Variants in TBCA observed in about 807,000 individuals in gnomAD.
The protein encoded by TBCA is tubulin folding cofactor A.
TBCA carries 6 observed loss-of-function variants against 15.8 expected under a neutral mutation model. The ratio of observed to expected loss-of-function variants is 0.38; its 90% CI spans 0.21 to 0.75. The LOEUF (loss-of-function observed/expected upper bound fraction) is 0.75, where lower values mean the gene tolerates loss of function less well. Ranked by LOEUF, TBCA falls within the 30% of genes least tolerant of loss-of-function variation. The pLI is 0.46. For missense variants in TBCA, 90 were observed against 131.2 expected, an observed-to-expected ratio of 0.69 and a Z score of 1.53; for synonymous variants, 32 against 42.3, an observed-to-expected ratio of 0.76 and a Z score of 0.94.
At chr5:77,763,759 G>A (rs1237627225) in intron 1 of TBCA, among the ~76,000 whole-genome samples, 1 of 152,142 alleles carries the variant, frequency 6.6e-6, no homozygotes, top group Non-Finnish European at 1.5e-5. Context: ...CCAGAACTTT[G>A]AGAAATAAAT....
intron 1 of TBCA, among the ~76,000 whole-genome samples, chr5:77,725,203 A>C (rs1333293603): frequency 6.6e-6 from 1 of 152,184 alleles, no homozygotes; most frequent in Non-Finnish European, 1.5e-5. Flanking sequence ...ATCCAGCTGC[A>C]TGCTCATTAG....
intron 1 of TBCA, among the ~76,000 whole-genome samples, chr5:77,724,640 T>G (rs1384359929): frequency 6.6e-6 from 1 of 152,130 alleles, no homozygotes; most frequent in Non-Finnish European, 1.5e-5. Flanking sequence ...TCATACCAGT[T>G]CCCTTAACTC....
chr5:77,760,548 G>A (rs1046436079), intron 1 of TBCA, among the ~76,000 whole-genome samples: 19 of 152,036 alleles, frequency 1.2e-4, no homozygotes, highest in Non-Finnish European at 1.8e-4. Flanking sequence ...TCGGCCTGCC[G>A]AGTGCCTAGG....
intron 1 of TBCA, among the ~76,000 whole-genome samples, chr5:77,750,548 A>C (rs1422463704): frequency 6.6e-6 from 1 of 152,224 alleles, no homozygotes; most frequent in Non-Finnish European, 1.5e-5. Flanking sequence ...CCAGAAGTAA[A>C]ACTAGTCTGA....
intron 1 of TBCA, among the ~76,000 whole-genome samples, chr5:77,767,119 T>C (rs1747797372): frequency 6.6e-6 from 1 of 152,240 alleles, no homozygotes; most frequent in South Asian, 2.1e-4. Flanking sequence ...TACACTTCAG[T>C]AGACTTGGAG....
chr5:77,706,077 C>T lies in TBCA; in HGVS notation c.159+2165G>A, dbSNP rs549599738. Among the ~76,000 whole-genome samples the T allele has an allele frequency of 6.2e-4, 95 of 152,132 alleles. 1 individual carries two copies. The highest frequency in any genetic ancestry group is 1.3e-3 in the Admixed American group (20 of 15,282). On this transcript the variant is annotated intron_variant, in intron 2 of 3. Transcript: ENST00000380377. ...CAGCTGCTGCTGCATTTCTTTTGCA[C>T]GGTAGAAAGCAACTCCCTACAAAAA...
intron 1 of TBCA, among the ~76,000 whole-genome samples, chr5:77,715,036 C>A (rs868796995): frequency 6.6e-6 from 1 of 151,998 alleles, no homozygotes; most frequent in Non-Finnish European, 1.5e-5. Context: ...GGAGAAAAAG[C>A]CGTGAAGGAG....
chr5:77,709,454 TA>T (rs1361819532), intron 1 of TBCA, among the ~76,000 whole-genome samples: 2 of 152,164 alleles, frequency 1.3e-5, no homozygotes, highest in Non-Finnish European at 2.9e-5. Context: ...AACATTCCTA[TA>T]TACACAGTAT....
At chr5:77,750,060 T>C (rs549972780) in intron 1 of TBCA, among the ~76,000 whole-genome samples, 3 of 151,498 alleles carry the variant, frequency 2.0e-5, no homozygotes, top group African/African-American at 7.3e-5. Flanking sequence ...GTTTCTCAGC[T>C]GGGTGGCTGG....
At chr5:77,692,904 A>G in intron 3 of TBCA, 1 of 1,217,286 alleles carries the variant, frequency 8.2e-7, no homozygotes, top group Non-Finnish European at 1.0e-6. Context: ...CTTTTGAAAC[A>G]TTAGATCTTT....
At chr5:77,750,020 A>C (rs1452571294) in intron 1 of TBCA, among the ~76,000 whole-genome samples, 1 of 152,142 alleles carries the variant, frequency 6.6e-6, no homozygotes, top group Non-Finnish European at 1.5e-5. Context: ...GAGACACCAA[A>C]AAATGAATAA....
At chr5:77,770,213 C>T (rs1347006957) in intron 1 of TBCA, among the ~76,000 whole-genome samples, 1 of 152,036 alleles carries the variant, frequency 6.6e-6, no homozygotes, top group Non-Finnish European at 1.5e-5. Context: ...GCTGAAATAC[C>T]ACATTTAGAA....
intron 1 of TBCA, among the ~76,000 whole-genome samples, chr5:77,771,725 T>C (rs1314045054): frequency 2.0e-5 from 3 of 152,182 alleles, no homozygotes; most frequent in Non-Finnish European, 4.4e-5. Flanking sequence ...CATATTCCCC[T>C]AACATTCAAC....
intron 1 of TBCA, among the ~76,000 whole-genome samples, chr5:77,717,256 T>C (rs1049175539): frequency 6.6e-6 from 1 of 152,232 alleles, no homozygotes; most frequent in South Asian, 2.1e-4. Flanking sequence ...TTTCTGTTAC[T>C]TGAAGCTAAA....
In TBCA at chr5:77,775,871, G is replaced by A. The variant is rs1292968165; in HGVS notation, c.53+334C>T. 2.0e-5 allele frequency among the ~76,000 whole-genome samples: 3 copies of A among 152,204 alleles called. No individual in the cohort carries two copies. In the East Asian group the frequency reaches 5.8e-4, roughly 29 times the overall value. ...AGGAGAGGCCGGCGCGCGCACACAG[G>A]AGGCACGGGATCAGGGCCCGGCCCG... On this transcript the variant is annotated intron_variant, in intron 1 of 3. Transcript: ENST00000380377.
At chr5:77,725,619 G>T (rs1270365747) in intron 1 of TBCA, among the ~76,000 whole-genome samples, 1 of 152,200 alleles carries the variant, frequency 6.6e-6, no homozygotes, top group Admixed American at 6.5e-5. Flanking sequence ...CATCAGCCGC[G>T]TATGCCTCAG....
At chr5:77,741,461 A>C (rs999898586) in intron 1 of TBCA, among the ~76,000 whole-genome samples, 2 of 152,206 alleles carry the variant, frequency 1.3e-5, no homozygotes, top group Non-Finnish European at 2.9e-5. Flanking sequence ...CGATGCAAGT[A>C]AGTCTGTAGG....
At chr5:77,752,623 A>ACC (rs1472321529) in intron 1 of TBCA, among the ~76,000 whole-genome samples, 1,817 of 65,766 alleles carry the variant, frequency 0.028, 441 homozygotes, top group African/African-American at 0.084. Context: ...CAGTGGCGCA[A>ACC]TCTCGGCTCA....
intron 2 of TBCA, among the ~76,000 whole-genome samples, chr5:77,695,958 A>G (rs1285198727): frequency 6.6e-6 from 1 of 152,220 alleles, no homozygotes; most frequent in Non-Finnish European, 1.5e-5. Flanking sequence ...GGTTCAGGTT[A>G]TAACAATGAA....
Sources: gnomAD v4.1 joint callset for allele counts (sites outside exome capture counted in the v4.1 genomes callset) on GRCh38, gnomAD v4.1.1 for gene constraint, MANE v1.5 for transcripts, NCBI Gene and HGNC (gene_info 2026-07-23, HGNC 2026-07-21) for gene names.